The following PCDHA5 variants were observed in gnomAD, a reference collection of about 807,000 sequenced individuals.
PCDHA5 encodes protocadherin alpha-5.
In PCDHA5, 43 loss-of-function variants were observed where a neutral mutation model predicts 61.6. The observed-to-expected ratio is 0.70, with a 90% CI of 0.55 to 0.90. The LOEUF is 0.90. Among genes scored for constraint, PCDHA5 ranks in the 40% least tolerant of loss-of-function variants. The pLI, the probability that PCDHA5 is intolerant of heterozygous loss-of-function variation, is 0.00. For missense variants in PCDHA5, 1,298 were observed against 1,222.7 expected (o/e 1.06, Z -0.92); for synonymous variants, 627 against 543.9 (o/e 1.15, Z -2.13).
chr5:140,831,604 C>G (rs1771639658), intron 1 of PCDHA5, among the ~76,000 whole-genome samples: 1 of 148,704 alleles, frequency 6.7e-6, no homozygotes. Context: ...TGCAAGTGAT[C>G]TGCCCACCTT....
In PCDHA5 at chr5:140,850,761, C is replaced by T. The variant is rs2150497421; in HGVS notation, c.2352+26634C>T. ...TTGGTCGTACTCGCAGCAGAGGAGGCAGAGGGTGTGCTCTGGCGAGGGTAA... is the reference window on the plus strand; with the variant it reads ...TTGGTCGTACTCGCAGCAGAGGAGGTAGAGGGTGTGCTCTGGCGAGGGTAA... On this transcript the variant is annotated intron_variant, in intron 1 of 3. Coordinates refer to ENST00000529859, the MANE Select transcript of PCDHA5 (RefSeq NM_018908.3). The T allele has an allele frequency of 1.4e-5, 23 of 1,597,888 alleles. 2 individuals are homozygous for T. In the Admixed American group the frequency reaches 1.5e-4, roughly 11 times the overall value.
At chr5:140,859,044 G>A (rs1228604447) in intron 1 of PCDHA5, 2 of 150,376 alleles carry the variant, frequency 1.3e-5, no homozygotes, top group Non-Finnish European at 3.0e-5. Flanking sequence ...CTTTAAAAAC[G>A]TTTTCCATTT....
chr5:140,875,356 G>A (rs2055432006), intron 1 of PCDHA5: 4 of 1,446,352 alleles, frequency 2.8e-6, no homozygotes, highest in East Asian at 2.5e-5. Context: ...TGACTGTGAT[G>A]CTGGAAAAAA....
chr5:140,859,706 C>T (rs1311210067), intron 1 of PCDHA5: 1 of 153,842 alleles, frequency 6.5e-6, no homozygotes, highest in Non-Finnish European at 1.4e-5. Context: ...AGTTTAGGAA[C>T]ACCAAAAAAA....
At chr5:140,987,880 T>A (rs2097271532) in intron 3 of PCDHA5, among the ~76,000 whole-genome samples, 1 of 152,112 alleles carries the variant, frequency 6.6e-6, no homozygotes, top group Non-Finnish European at 1.5e-5. Context: ...AAATGGACAG[T>A]TTATGTGCCC....
At chr5:140,849,791 G>C (rs1482087320) in intron 1 of PCDHA5, 8 of 1,598,446 alleles carry the variant, frequency 5.0e-6, no homozygotes, top group Non-Finnish European at 6.8e-6. Context: ...ACGGGGGCTC[G>C]CCTTCACTGT....
rs558490430 is a variant in PCDHA5, at chr5:140,909,702, G to A, written c.2353-69247G>A. ...AGCCAATGTGGGGGTTCTGCTAGCT[G>A]CTAAGTATACCTATGCCAATTATGC... is the stretch of plus-strand genomic sequence containing the variant. On this transcript the variant is annotated intron_variant, in intron 1 of 3. Transcript: ENST00000529859. Among the ~76,000 whole-genome samples the A allele has an allele frequency of 3.3e-5, 5 of 152,302 alleles. No individual in the cohort carries two copies. In the East Asian group the frequency reaches 9.6e-4, roughly 29 times the overall value.
chr5:141,000,421 ATTTTTT>A (rs34755515), intron 3 of PCDHA5, among the ~76,000 whole-genome samples: 34 of 27,962 alleles, frequency 1.2e-3, no homozygotes, highest in East Asian at 9.9e-3. Context: ...ATATATATAT[ATTTTTT>A]TTTTTTTTTT....
At chr5:140,948,269 A>G (rs1339240276) in intron 1 of PCDHA5, among the ~76,000 whole-genome samples, 1 of 151,602 alleles carries the variant, frequency 6.6e-6, no homozygotes, top group Non-Finnish European at 1.5e-5. Flanking sequence ...GTTCATGTAG[A>G]ATATCTGTAA....
chr5:140,930,824 T>C (rs545304113), intron 1 of PCDHA5, among the ~76,000 whole-genome samples: 16 of 152,342 alleles, frequency 1.1e-4, no homozygotes, highest in African/African-American at 3.8e-4. Context: ...TAGTAAATGC[T>C]GACTGAATGA....
intron 1 of PCDHA5, chr5:140,859,802 T>G (rs1318090519): frequency 6.6e-6 from 1 of 152,544 alleles, no homozygotes; most frequent in Non-Finnish European, 1.5e-5. Flanking sequence ...TTATAGATGC[T>G]AAGTTAATGC....
intron 1 of PCDHA5, among the ~76,000 whole-genome samples, chr5:140,907,922 G>T (rs1554193181): frequency 6.6e-6 from 1 of 152,174 alleles, no homozygotes; most frequent in Admixed American, 6.5e-5. Context: ...ACTCAGAGAG[G>T]TCCATTCACA....
chr5:140,932,920 A>G (rs1397195310), intron 1 of PCDHA5, among the ~76,000 whole-genome samples: 3 of 152,034 alleles, frequency 2.0e-5, no homozygotes, highest in Non-Finnish European at 4.4e-5. Flanking sequence ...CAACAACTAA[A>G]TTAACTTAGC....
intron 1 of PCDHA5, among the ~76,000 whole-genome samples, chr5:140,941,198 T>TCTTCCTTTCTTC (rs1563184149): frequency 4.2e-5 from 5 of 119,808 alleles, no homozygotes; most frequent in African/African-American, 1.0e-4. Context: ...TTTTTTTCTT[T>TCTTCCTTTCTTC]CTTCCTTTCT....
intron 1 of PCDHA5, among the ~76,000 whole-genome samples, chr5:140,935,973 A>C (rs956262031): frequency 1.3e-5 from 2 of 150,786 alleles, no homozygotes; most frequent in Admixed American, 1.3e-4. Flanking sequence ...GCTCACTGCA[A>C]TCTCTGCCTC....
intron 1 of PCDHA5, among the ~76,000 whole-genome samples, chr5:140,955,262 C>T (rs1473601347): frequency 1.3e-5 from 2 of 152,044 alleles, no homozygotes; most frequent in African/African-American, 4.8e-5. Flanking sequence ...TATAAAGGCT[C>T]TTTTTTGGTT....
Position 140,858,600 on chromosome 5 carries a change from T to A in PCDHA5, c.2352+34473T>A, listed in dbSNP as rs1554151852. The stretch of plus-strand genomic sequence containing the variant: ...GTAATATAATTTATTCCAGGAGTTT[T>A]AAAATTTTTTTATCCTACCCAGTGT... On this transcript the variant is annotated intron_variant, in intron 1 of 3. Coordinates refer to ENST00000529859, the MANE Select transcript of PCDHA5 (RefSeq NM_018908.3). 7.0e-6 allele frequency: 9 copies of A among 1,293,864 alleles called. 2 individuals are homozygous for A. The highest frequency in any genetic ancestry group is 3.0e-5 in the African/African-American group (2 of 67,188). The allele number at this position is 1,293,864 out of a possible 1,614,324, so 80.1% of individuals were successfully genotyped here.
chr5:140,888,572 A>G (rs1354616132), intron 1 of PCDHA5, among the ~76,000 whole-genome samples: 1 of 152,196 alleles, frequency 6.6e-6, no homozygotes, highest in Admixed American at 6.5e-5. Context: ...GCTTCATTTT[A>G]AGATTTGTTA....
intron 1 of PCDHA5, among the ~76,000 whole-genome samples, chr5:140,977,969 C>T (rs1554238945): frequency 6.6e-6 from 1 of 152,114 alleles, no homozygotes; most frequent in African/African-American, 2.4e-5. Context: ...AATCTCCGCC[C>T]ATGAAAACGC....
Sources: gnomAD v4.1 joint callset for allele counts (sites outside exome capture counted in the v4.1 genomes callset) on GRCh38, gnomAD v4.1.1 for gene constraint, MANE v1.5 for transcripts, NCBI Gene and HGNC (gene_info 2026-07-23, HGNC 2026-07-21) for gene names.